The following SLC39A10 variants were observed in gnomAD, a reference collection of about 807,000 sequenced individuals.
SLC39A10 encodes zinc transporter ZIP10.
In SLC39A10, 13 loss-of-function variants were observed where a neutral mutation model predicts 65.1. That is an observed-to-expected ratio of 0.20 (90% CI 0.13 to 0.32). The LOEUF is 0.32. Ranked by LOEUF, SLC39A10 falls within the 10% of genes least tolerant of loss-of-function variation. SLC39A10 has a pLI of 1.00. For synonymous variants in SLC39A10, 321 were observed against 342.2 expected (o/e 0.94, Z 0.68); for missense variants, 831 against 1,018.4 (o/e 0.82, Z 2.50).
At position 195,713,414 on chromosome 2, in the gene SLC39A10, AT is replaced by A. The variant is rs35363951; in HGVS notation, c.1576-11del. 93 of 1,516,826 alleles carry A rather than the reference AT, an allele frequency of 6.1e-5. No homozygotes were observed. The highest frequency in any genetic ancestry group is 2.0e-4 in the African/African-American group (14 of 69,700). 94.0% of individuals were successfully genotyped at this position (1,516,826 alleles called of 1,614,324 possible). ...ACATTTTATACTAATATCAGATACT[AT>A]TTTTTTTCTTTTTTTAGGGAAAACA... On this transcript the variant is annotated intron_variant, in intron 5 of 9. Coordinates refer to ENST00000359634, the MANE Select transcript of SLC39A10 (RefSeq NM_020342.3).
At chr2:195,679,194 A>T (rs1574260846) in intron 1 of SLC39A10, among the ~76,000 whole-genome samples, 2 of 152,128 alleles carry the variant, frequency 1.3e-5, no homozygotes, top group South Asian at 4.1e-4. Flanking sequence ...TCATTTTAGC[A>T]TTTCTTGTTT....
upstream of SLC39A10, among the ~76,000 whole-genome samples, chr2:195,654,165 C>T (rs775286537): frequency 2.0e-5 from 3 of 152,118 alleles, no homozygotes; most frequent in Non-Finnish European, 2.9e-5. Flanking sequence ...TCTCAAACTC[C>T]GGACCTCAGG....
chr2:195,640,333 A>T (rs1470096355), intron 2 of SLC39A10, among the ~76,000 whole-genome samples: 1 of 121,398 alleles, frequency 8.2e-6, no homozygotes, highest in African/African-American at 3.2e-5. Context: ...GCCCTGAAGC[A>T]TTAAAAGAAA....
At chr2:195,617,082 C>A (rs1312206475) in intron 2 of SLC39A10, among the ~76,000 whole-genome samples, 1 of 152,084 alleles carries the variant, frequency 6.6e-6, no homozygotes, top group Non-Finnish European at 1.5e-5. Context: ...GTTACAAAGT[C>A]CTTTTTTACT....
chr2:195,693,647 A>G (rs892543302), intron 3 of SLC39A10, among the ~76,000 whole-genome samples: 1 of 152,096 alleles, frequency 6.6e-6, no homozygotes, highest in Non-Finnish European at 1.5e-5. Flanking sequence ...ATCAGCAGTA[A>G]TACCTCCTGT....
chr2:195,622,461 G>A (rs1219558415), intron 2 of SLC39A10, among the ~76,000 whole-genome samples: 11 of 152,200 alleles, frequency 7.2e-5, no homozygotes, highest in African/African-American at 2.2e-4. Flanking sequence ...CAACATTCCC[G>A]GAAGTGTTTT....
At chr2:195,723,252 A>G (rs1236869162) in intron 8 of SLC39A10, among the ~76,000 whole-genome samples, 1 of 151,840 alleles carries the variant, frequency 6.6e-6, no homozygotes, top group Non-Finnish European at 1.5e-5. Context: ...CTAAGTCACT[A>G]CTCTCTTTTC....
At chr2:195,631,217 T>G (rs1374880188) in intron 2 of SLC39A10, among the ~76,000 whole-genome samples, 2 of 151,722 alleles carry the variant, frequency 1.3e-5, no homozygotes, top group African/African-American at 4.8e-5. Context: ...TATATAGAGA[T>G]ATATATATCA....
intron 2 of SLC39A10, among the ~76,000 whole-genome samples, chr2:195,635,708 CTTT>C (rs61132041): frequency 2.8e-5 from 4 of 141,814 alleles, no homozygotes; most frequent in African/African-American, 1.0e-4. Context: ...ACCCCCCCCA[CTTT>C]TTTTTTTTTT....
At chr2:195,701,733 G>A (rs1047651949) in intron 3 of SLC39A10, among the ~76,000 whole-genome samples, 2 of 151,984 alleles carry the variant, frequency 1.3e-5, no homozygotes, top group Non-Finnish European at 2.9e-5. Flanking sequence ...CCAGGCTGGA[G>A]TGCAGTGGCA....
intron 5 of SLC39A10, among the ~76,000 whole-genome samples, chr2:195,711,374 G>A (rs1310303226): frequency 1.3e-5 from 2 of 152,152 alleles, no homozygotes; most frequent in Non-Finnish European, 2.9e-5. Context: ...CAAGAATGGA[G>A]TCACCAAACC....
At chr2:195,727,680 G>GT (rs1176361138) in intron 8 of SLC39A10, among the ~76,000 whole-genome samples, 1 of 152,054 alleles carries the variant, frequency 6.6e-6, no homozygotes, top group African/African-American at 2.4e-5. Flanking sequence ...CGGTGACCAT[G>GT]TTTTTTTCTT....
At chr2:195,630,915 G>A (rs182825173) in intron 2 of SLC39A10, among the ~76,000 whole-genome samples, 2 of 152,270 alleles carry the variant, frequency 1.3e-5, no homozygotes, top group Middle Eastern at 3.4e-3. Flanking sequence ...TTGGCCTGGT[G>A]CGGTGGCTCA....
rs150403511 is a variant in SLC39A10, at chr2:195,635,698, A to ACCCCC, written c.-12+29469_-12+29473dup. 5.4e-5 allele frequency among the ~76,000 whole-genome samples: 6 copies of ACCCCC among 110,432 alleles called. No individual in the cohort carries two copies. The East Asian group carries it at 1.3e-3, about 24-fold the overall frequency. The allele number at this position is 110,432 out of a possible 152,430, so 72.4% of individuals were successfully genotyped here. Reference sequence around the variant, plus strand: ...CTGAAATGATTGCTTTTTTTGTGGAACCCCCCCCACTTTTTTTTTTTTTTA... The same window carrying ACCCCC: ...CTGAAATGATTGCTTTTTTTGTGGAACCCCCCCCCCCCCACTTTTTTTTTTTTTTA... On this transcript the variant is annotated intron_variant, in intron 2 of 2. Transcript: ENST00000458054.
intron 3 of SLC39A10, among the ~76,000 whole-genome samples, chr2:195,694,096 A>G (rs1351010349): frequency 6.6e-6 from 1 of 152,004 alleles, no homozygotes; most frequent in African/African-American, 2.4e-5. Flanking sequence ...ATTTCCTTAT[A>G]TTTGTATGGC....
In SLC39A10 at chr2:195,680,651, C is replaced by A; in HGVS notation, c.609C>A (p.Pro203=). 1.2e-6 allele frequency: 2 copies of A among 1,614,096 alleles called. No individual in the cohort carries two copies. Among genetic ancestry groups the A allele is most frequent in the East Asian group, 2.2e-5 (1 of 44,884 alleles). Residue 203 remains proline, a synonymous_variant, in exon 2 of 10, where the codon CCC becomes CCA. Transcript: ENST00000359634. ...THHFHNDSIT[P]SERGEPSNEP... is the part of the protein sequence containing the mutation. ...ATTTTCATAATGATTCCATTACTCCCAGTGAGCGTGGGGAGCCTAGCAATG... is the reference window on the plus strand; with the variant it reads ...ATTTTCATAATGATTCCATTACTCCAAGTGAGCGTGGGGAGCCTAGCAATG...
intron 2 of SLC39A10, among the ~76,000 whole-genome samples, chr2:195,643,774 A>G (rs1688856489): frequency 6.6e-6 from 1 of 152,224 alleles, no homozygotes; most frequent in Non-Finnish European, 1.5e-5. Context: ...TCATTCAACC[A>G]TGGGTAGCCC....
In SLC39A10 at chr2:195,737,547, G is replaced by GTTTTGTTTTAACTGAATCA. The variant is rs1553509676; in HGVS notation, c.*2511_*2529dup. On this transcript the variant is annotated 3_prime_UTR_variant, in exon 10 of 10. Coordinates refer to ENST00000359634, the MANE Select transcript of SLC39A10 (RefSeq NM_020342.3). Reference sequence around the variant, plus strand: ...TTCTTGCTAAAATATCTAAACTTTTGTTTTGTTTTAACTGAATCATTTTTT... The same window carrying GTTTTGTTTTAACTGAATCA: ...TTCTTGCTAAAATATCTAAACTTTTGTTTTGTTTTAACTGAATCATTTTGTTTTAACTGAATCATTTTTT... 1.2e-5 allele frequency: 2 copies of GTTTTGTTTTAACTGAATCA among 171,246 alleles called. No homozygotes were observed. Among genetic ancestry groups the GTTTTGTTTTAACTGAATCA allele is most frequent in the African/African-American group, 4.8e-5 (2 of 41,304 alleles). 10.6% of individuals were successfully genotyped at this position (171,246 alleles called of 1,614,324 possible).
chr2:195,698,107 A>G (rs1691041439), intron 3 of SLC39A10, among the ~76,000 whole-genome samples: 3 of 151,934 alleles, frequency 2.0e-5, no homozygotes, highest in African/African-American at 7.3e-5. Context: ...TTTTTGTGTG[A>G]AATCTTTTTT....
Sources: allele counts gnomAD v4.1 joint callset (sites outside exome capture counted in the v4.1 genomes callset), GRCh38; gene constraint gnomAD v4.1.1; transcripts MANE v1.5; gene names NCBI Gene and HGNC (gene_info 2026-07-23, HGNC 2026-07-21).